CRTC3: variants seen among roughly 807,000 people sequenced by gnomAD.
CRTC3 encodes CREB-regulated transcription coactivator 3.
CRTC3 carries 26 observed loss-of-function variants against 74.5 expected under a neutral mutation model. That is an observed-to-expected ratio of 0.35 (90% CI 0.26 to 0.48). The LOEUF (loss-of-function observed/expected upper bound fraction) is 0.48, where lower values mean the gene tolerates loss of function less well. Among genes scored for constraint, CRTC3 ranks in the 20% least tolerant of loss-of-function variants. The pLI, the probability that CRTC3 is intolerant of heterozygous loss-of-function variation, is 0.99. For missense variants in CRTC3, 760 were observed against 787.3 expected, an observed-to-expected ratio of 0.97 and a Z score of 0.41; for synonymous variants, 377 against 325.8, an observed-to-expected ratio of 1.16 and a Z score of -1.69.
rs1966842989 is a variant in CRTC3 at position 90,545,680 on chromosome 15, A to ACC, written c.231+5543_231+5544insCC. 3.9e-5 allele frequency among the ~76,000 whole-genome samples: 6 copies of ACC among 151,948 alleles called. No homozygotes were observed. The South Asian group carries it at 1.2e-3, about 32-fold the overall frequency. On this transcript the variant is annotated intron_variant, in intron 2 of 14. Transcript: ENST00000268184. ...CAACCTCCGCCTCCTGGGTTCAAGC[A>ACC]ATTCTCCTGCCTCAGCCTCCCAAGT...
At chr15:90,567,612 C>T (rs566095795) in intron 2 of CRTC3, among the ~76,000 whole-genome samples, 5 of 151,992 alleles carry the variant, frequency 3.3e-5, no homozygotes, top group East Asian at 1.9e-4. Flanking sequence ...TGCTTGAACC[C>T]GGGAGGCAGA....
At chr15:90,542,064 A>G (rs1365253180) in intron 2 of CRTC3, among the ~76,000 whole-genome samples, 2 of 152,022 alleles carry the variant, frequency 1.3e-5, no homozygotes, top group East Asian at 3.9e-4. Flanking sequence ...GATTACAGGC[A>G]TGAGCCACCG....
intron 4 of CRTC3, among the ~76,000 whole-genome samples, chr15:90,603,906 A>G (rs576946598): frequency 2.6e-5 from 4 of 152,364 alleles, no homozygotes; most frequent in East Asian, 1.9e-4. Context: ...ATTTTATTAC[A>G]TCAGTAAAAG....
intron 7 of CRTC3, among the ~76,000 whole-genome samples, chr15:90,615,192 T>C (rs1432937315): frequency 6.6e-6 from 1 of 152,186 alleles, no homozygotes; most frequent in Non-Finnish European, 1.5e-5. Context: ...AAATTGGTTA[T>C]GAAATGAAAA....
At chr15:90,605,700 C>T (rs535646846) in intron 5 of CRTC3, among the ~76,000 whole-genome samples, 1 of 152,312 alleles carries the variant, frequency 6.6e-6, no homozygotes, top group East Asian at 1.9e-4. Context: ...TTGTCTGCCT[C>T]TTCCCTCCTC....
chr15:90,608,918 T>C (rs1316275628), intron 6 of CRTC3, among the ~76,000 whole-genome samples: 2 of 152,224 alleles, frequency 1.3e-5, no homozygotes, highest in Non-Finnish European at 2.9e-5. Context: ...ATCCATTCCA[T>C]ATGCAGATTG....
Position 90,627,628 on chromosome 15 carries a change from T to C in CRTC3, c.968-1606T>C, listed in dbSNP as rs2151091957. 1.3e-5 allele frequency among the ~76,000 whole-genome samples: 2 copies of C among 151,874 alleles called. 1 individual carries two copies. The highest frequency in any genetic ancestry group is 4.2e-4 in the South Asian group (2 of 4,810). On this transcript the variant is annotated intron_variant, in intron 10 of 14. Coordinates refer to ENST00000268184, the MANE Select transcript of CRTC3 (RefSeq NM_022769.5). ...TGTCAGTTTCTGTATTTTCTTTTTT[T>C]TTTTTCTTTTTGAGACAGACTCTTG...
intron 1 of CRTC3, chr15:90,539,688 C>T (rs948703484): frequency 7.5e-6 from 2 of 265,236 alleles, no homozygotes; most frequent in Non-Finnish European, 1.4e-5. Flanking sequence ...GAAGGGAAAA[C>T]AGCTAATGTG....
At chr15:90,608,606 A>G (rs1019888192) in intron 6 of CRTC3, among the ~76,000 whole-genome samples, 1 of 152,182 alleles carries the variant, frequency 6.6e-6, no homozygotes, top group African/African-American at 2.4e-5. Context: ...AGCACCTGCA[A>G]TGCTTGGCTG....
rs11426969 is a variant in CRTC3, at chr15:90,541,782, C to CTTT, written c.231+1650_231+1652dup. ...GATAATCCTTGGCCTTCCCAGGATTCTTTTTTTCTTTTTTTTTTTTTGAGA... is the reference window on the plus strand; with the variant it reads ...GATAATCCTTGGCCTTCCCAGGATTCTTTTTTTTTTCTTTTTTTTTTTTTGAGA... On this transcript the variant is annotated intron_variant, in intron 2 of 14. Transcript: ENST00000268184. 7.1e-3 allele frequency among the ~76,000 whole-genome samples: 855 copies of CTTT among 119,982 alleles called. 95 individuals carry two copies. The highest frequency in any genetic ancestry group is 7.8e-3 in the Non-Finnish European group (460 of 59,288). 78.7% of individuals were successfully genotyped at this position (119,982 alleles called of 152,430 possible). A position where few individuals can be genotyped will look rare whatever the true frequency, so the allele number is the denominator to read the frequency against.
At chr15:90,634,302 C>A (rs1443466581) in intron 11 of CRTC3, among the ~76,000 whole-genome samples, 1 of 151,990 alleles carries the variant, frequency 6.6e-6, no homozygotes, top group Non-Finnish European at 1.5e-5. Context: ...TTAGTAGAGA[C>A]GGGATTTCAC....
At chr15:90,602,216 A>G (rs1218552291) in intron 3 of CRTC3, 108 bp from the exon 4 acceptor site, 22 of 685,408 alleles carry the variant, frequency 3.2e-5, no homozygotes, top group Non-Finnish European at 4.9e-5. Context: ...TGTCAGGTAC[A>G]GGGATAAGGA....
intron 7 of CRTC3, among the ~76,000 whole-genome samples, chr15:90,616,106 T>C (rs945295626): frequency 6.6e-6 from 1 of 152,118 alleles, no homozygotes; most frequent in Non-Finnish European, 1.5e-5. Context: ...ATTATATTAA[T>C]GATTAAGTCA....
intron 6 of CRTC3, among the ~76,000 whole-genome samples, chr15:90,607,690 C>T (rs997715361): frequency 4.6e-5 from 7 of 152,214 alleles, no homozygotes; most frequent in African/African-American, 9.6e-5. Flanking sequence ...CTCCACAGCA[C>T]GCTCTCCCTC....
intron 2 of CRTC3, among the ~76,000 whole-genome samples, chr15:90,582,576 A>T (rs1967568091): frequency 6.6e-6 from 1 of 152,174 alleles, no homozygotes. Context: ...TTATATCCCC[A>T]ATTTGGGTAT....
At chr15:90,545,356 A>G (rs1392050406) in intron 2 of CRTC3, among the ~76,000 whole-genome samples, 1 of 150,502 alleles carries the variant, frequency 6.6e-6, no homozygotes, top group Non-Finnish European at 1.5e-5. Flanking sequence ...TTGGGTACAT[A>G]CTCAGAAGTA....
rs35346715 is a variant in CRTC3 at position 90,541,277 on chromosome 15, C to T, written c.231+1140C>T. On this transcript the variant is annotated intron_variant, in intron 2 of 14. Coordinates refer to ENST00000268184, the MANE Select transcript of CRTC3 (RefSeq NM_022769.5). Reference sequence around the variant, plus strand: ...GAAGCATTAATTGATTGTTTGGATGCCTGACCATTTTAAAAGCACTGTCTT... The same window carrying T: ...GAAGCATTAATTGATTGTTTGGATGTCTGACCATTTTAAAAGCACTGTCTT... 7.7e-3 allele frequency among the ~76,000 whole-genome samples: 1,167 copies of T among 152,252 alleles called. 6 individuals carry two copies. The highest frequency in any genetic ancestry group is 0.013 in the Non-Finnish European group (878 of 68,032).
In CRTC3 at chr15:90,579,046, A is replaced by G. The variant is rs150083078; in HGVS notation, c.232-14590A>G. Among the ~76,000 whole-genome samples the G allele has an allele frequency of 7.2e-5, 11 of 152,306 alleles. No individual in the cohort carries two copies. In the East Asian group the frequency reaches 2.1e-3, roughly 29 times the overall value. On this transcript the variant is annotated intron_variant, in intron 2 of 14. Coordinates refer to ENST00000268184, the MANE Select transcript of CRTC3 (RefSeq NM_022769.5). The stretch of plus-strand genomic sequence containing the variant: ...GGTTTTGCATATGTAGATTCAACCA[A>G]TTACAGATCAAAAATATTAGAAAAA...
intron 11 of CRTC3, chr15:90,634,703 T>G (rs1596147903): frequency 2.9e-6 from 2 of 679,386 alleles, no homozygotes; most frequent in Non-Finnish European, 5.3e-6. Flanking sequence ...GAGCGGAGTA[T>G]GAGACTGAGG....
Sources: allele counts gnomAD v4.1 joint callset (sites outside exome capture counted in the v4.1 genomes callset), GRCh38; gene constraint gnomAD v4.1.1; transcripts MANE v1.5; gene names NCBI Gene and HGNC (gene_info 2026-07-23, HGNC 2026-07-21).